Variants in DKK2 observed in about 807,000 individuals in gnomAD.
DKK2 encodes the protein dickkopf-related protein 2.
In DKK2, 11 loss-of-function variants were observed where a neutral mutation model predicts 28.1. The observed-to-expected ratio is 0.39, with a 90% CI of 0.25 to 0.65. The LOEUF is 0.65. Ranked by LOEUF, DKK2 falls within the 30% of genes least tolerant of loss-of-function variation. DKK2 has a pLI of 0.47. For synonymous variants in DKK2, 135 were observed against 126.5 expected (o/e 1.07, Z -0.45); for missense variants, 326 against 335.5 (o/e 0.97, Z 0.22).
At chr4:106,958,349 G>A (rs114223960) in intron 1 of DKK2, among the ~76,000 whole-genome samples, 7,722 of 151,688 alleles carry the variant, frequency 0.051, 253 homozygotes, top group Non-Finnish European at 0.074. Flanking sequence ...TACAAGATTC[G>A]CACCCATATT....
At position 106,958,837 on chromosome 4, in the gene DKK2, C is replaced by CAAAA. The variant is rs767389620; in HGVS notation, c.223-32892_223-32889dup. On this transcript the variant is annotated intron_variant, in intron 1 of 3. Transcript: ENST00000285311. ...GGGCAACAAGAGTGAAACTCAATCTCAAAAAAAAAAAAAAAAAAGAAAGAA... is the reference window on the plus strand; with the variant it reads ...GGGCAACAAGAGTGAAACTCAATCTCAAAAAAAAAAAAAAAAAAAAAAGAAAGAA... Among the ~76,000 whole-genome samples the CAAAA allele has an allele frequency of 6.3e-3, 419 of 66,804 alleles. 1 individual carries two copies. Among genetic ancestry groups the CAAAA allele is most frequent in the African/African-American group, 0.017 (383 of 21,954 alleles). 43.8% of individuals were successfully genotyped at this position (66,804 alleles called of 152,430 possible).
At position 107,035,796 on chromosome 4, in the gene DKK2, C is replaced by T. The variant is rs1723956495; in HGVS notation, c.-205G>A. On this transcript the variant is annotated 5_prime_UTR_variant, in exon 1 of 4. Transcript: ENST00000285311. ...AGAAATTAGCGGAACCCAAGCGAGA[C>T]CCGCTTCTCCACCAGGACAGGAAGT... is the stretch of plus-strand genomic sequence containing the variant. The T allele has an allele frequency of 1.7e-6, 1 of 593,662 alleles. No individual in the cohort carries two copies. The highest frequency in any genetic ancestry group is 2.0e-5 in the South Asian group (1 of 49,314). The allele number at this position is 593,662 out of a possible 1,614,324, so 36.8% of individuals were successfully genotyped here. A position where few individuals can be genotyped will look rare whatever the true frequency, so the allele number is the denominator to read the frequency against.
chr4:106,983,949 A>G (rs1723076709), intron 1 of DKK2, among the ~76,000 whole-genome samples: 2 of 152,204 alleles, frequency 1.3e-5, no homozygotes, highest in South Asian at 4.1e-4. Context: ...TAAAAAATAA[A>G]TGAGAGAGCC....
chr4:107,010,842 A>G (rs191575001), intron 1 of DKK2, among the ~76,000 whole-genome samples: 48 of 151,124 alleles, frequency 3.2e-4, no homozygotes, highest in Middle Eastern at 3.4e-3. Flanking sequence ...TTAGAAAATA[A>G]AAAAAATTAT....
intron 1 of DKK2, among the ~76,000 whole-genome samples, chr4:107,010,669 T>G (rs927910888): frequency 6.6e-6 from 1 of 151,472 alleles, no homozygotes; most frequent in Non-Finnish European, 1.5e-5. Context: ...TCCTGAAAAT[T>G]TTTATTTACT....
chr4:106,989,472 A>C (rs547933654), intron 1 of DKK2, among the ~76,000 whole-genome samples: 68 of 152,306 alleles, frequency 4.5e-4, no homozygotes, highest in African/African-American at 1.6e-3. Flanking sequence ...TGGGTAATCT[A>C]TCCAAAAATT....
intron 1 of DKK2, among the ~76,000 whole-genome samples, chr4:106,938,289 C>G (rs555405705): frequency 1.8e-4 from 28 of 152,202 alleles, no homozygotes; most frequent in Non-Finnish European, 2.6e-4. Context: ...AAGGGGATAT[C>G]ACCACCGATC....
At position 107,035,509 on chromosome 4, in the gene DKK2, A is replaced by G; in HGVS notation, c.83T>C (p.Ile28Thr). 3 of 1,614,152 alleles carry G rather than the reference A, an allele frequency of 1.9e-6. No homozygotes were observed. Among genetic ancestry groups the G allele is most frequent in the Non-Finnish European group, 2.5e-6 (3 of 1,180,034 alleles). The change falls in exon 1 of 4, where the codon ATC (isoleucine) becomes ACC (threonine). Residue 28 changes from isoleucine (I) to threonine (T), a missense_variant. Physicochemically the swap from Ile to Thr is moderately conservative, Grantham distance 89. Coordinates refer to ENST00000285311, the MANE Select transcript of DKK2 (RefSeq NM_014421.3). ...GTTGAGTTTGGCCCGCGAACTGCCG[A>G]TCTGTGAGCTCTCCACCATCAGCAC... ...AAVLMVESSQ[I>T]GSSRAKLNSI...
At chr4:106,986,216 A>T (rs370429737) in intron 1 of DKK2, among the ~76,000 whole-genome samples, 1 of 152,214 alleles carries the variant, frequency 6.6e-6, no homozygotes, top group African/African-American at 2.4e-5. Flanking sequence ...CTGTCAGCGC[A>T]CTAGGAGTTT....
chr4:107,009,454 T>A (rs114784012), intron 1 of DKK2, among the ~76,000 whole-genome samples: 191 of 152,028 alleles, frequency 1.3e-3, no homozygotes, highest in African/African-American at 4.4e-3. Context: ...TTTCTGTATT[T>A]ATGAAATATT....
intron 1 of DKK2, among the ~76,000 whole-genome samples, chr4:107,005,148 CTGGCTAACACGG>C (rs1723417811): frequency 6.6e-6 from 1 of 151,890 alleles, no homozygotes; most frequent in Admixed American, 6.6e-5. Context: ...CGAGACCATC[CTGGCTAACACGG>C]TGAAACCCGT....
intron 1 of DKK2, among the ~76,000 whole-genome samples, chr4:106,983,031 G>A (rs771374136): frequency 2.9e-4 from 38 of 133,058 alleles, no homozygotes; most frequent in Admixed American, 1.4e-3. Flanking sequence ...GAAGGAAGAA[G>A]AAAGATGAAA....
intron 1 of DKK2, among the ~76,000 whole-genome samples, chr4:106,932,119 G>T (rs7667341): frequency 3.3e-5 from 5 of 152,016 alleles, no homozygotes; most frequent in African/African-American, 4.8e-5. Context: ...AGAACAACTC[G>T]TGATCTGCAC....
At chr4:107,004,389 A>G (rs1723407067) in intron 1 of DKK2, among the ~76,000 whole-genome samples, 1 of 152,230 alleles carries the variant, frequency 6.6e-6, no homozygotes. Flanking sequence ...TAGGATTCAC[A>G]ATAATGTCTT....
At chr4:107,030,482 A>C (rs1164898588) in intron 1 of DKK2, among the ~76,000 whole-genome samples, 6 of 152,030 alleles carry the variant, frequency 3.9e-5, no homozygotes, top group Non-Finnish European at 4.4e-5. Flanking sequence ...AAAAGGACGT[A>C]GTAAGGGGCT....
intron 1 of DKK2, among the ~76,000 whole-genome samples, chr4:106,987,423 A>T (rs1723136184): frequency 6.6e-6 from 1 of 152,194 alleles, no homozygotes; most frequent in Non-Finnish European, 1.5e-5. Flanking sequence ...TGCTTGTCTA[A>T]CACCCACGTC....
chr4:106,947,364 T>G (rs1724792185), intron 1 of DKK2, among the ~76,000 whole-genome samples: 1 of 152,090 alleles, frequency 6.6e-6, no homozygotes, highest in Non-Finnish European at 1.5e-5. Context: ...CTGTGACAGC[T>G]GCTTGAAAGG....
intron 1 of DKK2, among the ~76,000 whole-genome samples, chr4:106,967,859 G>A (rs1015785249): frequency 2.0e-5 from 3 of 151,066 alleles, no homozygotes; most frequent in African/African-American, 7.3e-5. Context: ...GAGGGCAAGG[G>A]AAGAAGGAGG....
At chr4:106,988,603 A>T (rs1723159326) in intron 1 of DKK2, among the ~76,000 whole-genome samples, 1 of 150,646 alleles carries the variant, frequency 6.6e-6, no homozygotes, top group Admixed American at 6.6e-5. Flanking sequence ...ACCTGTATTT[A>T]AAAAAATATT....
Sources: allele counts gnomAD v4.1 joint callset (sites outside exome capture counted in the v4.1 genomes callset), GRCh38; gene constraint gnomAD v4.1.1; transcripts MANE v1.5; gene names NCBI Gene and HGNC (gene_info 2026-07-23, HGNC 2026-07-21).